Variants in PLD5 observed in about 807,000 individuals in gnomAD.
PLD5 encodes the protein inactive phospholipase D5.
PLD5 carries 36 observed loss-of-function variants against 61.1 expected under a neutral mutation model. The observed-to-expected ratio is 0.59, with a 90% CI of 0.45 to 0.78. PLD5 has a LOEUF of 0.78. Among genes scored for constraint, PLD5 ranks in the 30% least tolerant of loss-of-function variants. The probability of loss-of-function intolerance (pLI) is 0.00; values close to 1 mark genes in which losing one functional copy is unlikely to be tolerated. For synonymous variants in PLD5, 243 were observed against 242.8 expected (o/e 1.00, Z -0.01); for missense variants, 515 against 644.4 (o/e 0.80, Z 2.17).
chr1:242,097,675 A>T (rs181800288), intron 9 of PLD5, among the ~76,000 whole-genome samples: 17,920 of 151,740 alleles, frequency 0.12, 1,545 homozygotes, highest in African/African-American at 0.24. Context: ...GATTGCAAAA[A>T]TTTTCTCCCA....
Position 242,384,294 on chromosome 1 carries a change from G to A in PLD5, c.190-36052C>T, listed in dbSNP as rs373238168. The stretch of plus-strand genomic sequence containing the variant: ...AGGTGAAAGAAACTACAGGTGGCTG[G>A]GAGTTTCCATGTGTTGCTGGCTACA... On this transcript the variant is annotated intron_variant, in intron 1 of 9. Coordinates refer to ENST00000536534, the MANE Select transcript of PLD5 (RefSeq NM_001372062.1). Among the ~76,000 whole-genome samples the A allele has an allele frequency of 3.3e-5, 5 of 152,166 alleles. 1 individual carries two copies. The highest frequency in any genetic ancestry group is 1.2e-4 in the African/African-American group (5 of 41,434).
At chr1:242,187,877 C>CG (rs1366783227) in intron 5 of PLD5, among the ~76,000 whole-genome samples, 11 of 152,062 alleles carry the variant, frequency 7.2e-5, no homozygotes, top group African/African-American at 2.7e-4. Flanking sequence ...TGCTGGTGTA[C>CG]GGGGCCACAA....
At chr1:242,194,899 G>GA (rs1328757805) in intron 5 of PLD5, among the ~76,000 whole-genome samples, 1 of 152,060 alleles carries the variant, frequency 6.6e-6, no homozygotes, top group Non-Finnish European at 1.5e-5. Flanking sequence ...GCGGGTAAGG[G>GA]ATAAGAGACT....
intron 1 of PLD5, among the ~76,000 whole-genome samples, chr1:242,491,073 TG>T (rs1668134195): frequency 1.3e-5 from 2 of 152,240 alleles, no homozygotes; most frequent in Non-Finnish European, 2.9e-5. Flanking sequence ...CAGGCTCAAC[TG>T]ATCTAAATTA....
Position 242,176,486 on chromosome 1 carries a change from G to A in PLD5, c.735+43502C>T, listed in dbSNP as rs181785707. 5.3e-5 allele frequency among the ~76,000 whole-genome samples: 8 copies of A among 152,232 alleles called. No individual in the cohort carries two copies. In the East Asian group the frequency reaches 1.4e-3, roughly 26 times the overall value. ...AAGATGGAAAACCATAAAAATCCTA[G>A]AAGAAAACCTAGGCAATACCATTCA... On this transcript the variant is annotated intron_variant, in intron 5 of 9. Transcript: ENST00000536534.
In PLD5 at chr1:242,449,835, C is replaced by T. The variant is rs559977105; in HGVS notation, c.189+74253G>A. On this transcript the variant is annotated intron_variant, in intron 1 of 9. Transcript: ENST00000536534. ...CAATCAGAGTAAAGGAGAATCCTGCCTAGACAAAGACGAGCGAAGAGGGGC... is the reference window on the plus strand; with the variant it reads ...CAATCAGAGTAAAGGAGAATCCTGCTTAGACAAAGACGAGCGAAGAGGGGC... Among the ~76,000 whole-genome samples, 8 of 152,286 alleles carry T rather than the reference C, an allele frequency of 5.3e-5. No homozygotes were observed. The South Asian group carries it at 1.5e-3, about 28-fold the overall frequency.
chr1:242,404,636 ATT>A (rs775501721), intron 1 of PLD5, among the ~76,000 whole-genome samples: 2 of 146,262 alleles, frequency 1.4e-5, no homozygotes, highest in Non-Finnish European at 1.5e-5. Context: ...CTTTATCCAC[ATT>A]TGTCCTAACC....
rs369660771 is a variant in PLD5 at position 242,468,354 on chromosome 1, G to A, written c.189+55734C>T. 5.5e-4 allele frequency among the ~76,000 whole-genome samples: 84 copies of A among 152,196 alleles called. 2 individuals are homozygous for A. The highest frequency in any genetic ancestry group is 6.8e-3 in the Middle Eastern group (2 of 294). On this transcript the variant is annotated intron_variant, in intron 1 of 9. Coordinates refer to ENST00000536534, the MANE Select transcript of PLD5 (RefSeq NM_001372062.1). The stretch of plus-strand genomic sequence containing the variant: ...GCCTCATAATATGCCAGCCAGATAC[G>A]TAAATTATCCTTATTTTTTTCATTG...
At chr1:242,149,261 G>A (rs1293461912) in intron 5 of PLD5, among the ~76,000 whole-genome samples, 1 of 151,720 alleles carries the variant, frequency 6.6e-6, no homozygotes, top group Non-Finnish European at 1.5e-5. Flanking sequence ...TAATTTTACG[G>A]GTTTGCTTCT....
intron 5 of PLD5, among the ~76,000 whole-genome samples, chr1:242,150,082 T>C (rs918398015): frequency 2.6e-5 from 4 of 151,822 alleles, no homozygotes; most frequent in African/African-American, 9.7e-5. Flanking sequence ...GATTTCCTCT[T>C]CACACAATCA....
intron 1 of PLD5, among the ~76,000 whole-genome samples, chr1:242,492,887 A>C (rs1240671986): frequency 6.6e-6 from 1 of 152,084 alleles, no homozygotes; most frequent in African/African-American, 2.4e-5. Context: ...TATTCATGAG[A>C]GTGCCACCCT....
At chr1:242,489,396 A>C (rs1234889907) in intron 1 of PLD5, among the ~76,000 whole-genome samples, 2 of 152,020 alleles carry the variant, frequency 1.3e-5, no homozygotes, top group East Asian at 3.9e-4. Flanking sequence ...ACAGAGAAAA[A>C]ACAGAGATGC....
chr1:242,453,354 T>C (rs959083580), intron 1 of PLD5, among the ~76,000 whole-genome samples: 2 of 152,334 alleles, frequency 1.3e-5, no homozygotes, highest in African/African-American at 4.8e-5. Context: ...AGCTACCTAG[T>C]TTATGGTCAT....
intron 3 of PLD5, among the ~76,000 whole-genome samples, chr1:242,283,295 A>G (rs1674824911): frequency 6.6e-6 from 1 of 152,198 alleles, no homozygotes; most frequent in Admixed American, 6.5e-5. Context: ...TCACTCTAAC[A>G]AAATTGCTAC....
chr1:242,508,277 G>A (rs1307209489), intron 1 of PLD5, among the ~76,000 whole-genome samples: 1 of 151,986 alleles, frequency 6.6e-6, no homozygotes, highest in African/African-American at 2.4e-5. Flanking sequence ...AGAGGCTGAG[G>A]CAGGAGAATC....
chr1:242,459,306 T>C (rs10159257), intron 1 of PLD5, among the ~76,000 whole-genome samples: 6,240 of 152,242 alleles, frequency 0.041, 423 homozygotes, highest in African/African-American at 0.14. Flanking sequence ...AAAGAACAGA[T>C]TTTTGAGGCC....
chr1:242,362,148 T>G (rs1181317939), intron 1 of PLD5, among the ~76,000 whole-genome samples: 1 of 152,118 alleles, frequency 6.6e-6, no homozygotes, highest in Non-Finnish European at 1.5e-5. Context: ...AAAATCATGG[T>G]CAAGTCTTAA....
At chr1:242,424,328 AT>A in intron 1 of PLD5, among the ~76,000 whole-genome samples, 1 of 152,108 alleles carries the variant, frequency 6.6e-6, no homozygotes, top group South Asian at 2.1e-4. Flanking sequence ...CTCCTCTCAC[AT>A]TTTTTTCTGA....
At chr1:242,521,822 T>C (rs1180645763) in intron 1 of PLD5, among the ~76,000 whole-genome samples, 1 of 152,214 alleles carries the variant, frequency 6.6e-6, no homozygotes, top group Non-Finnish European at 1.5e-5. Flanking sequence ...ATTTTCATGC[T>C]TTCTGTAGCA....
Sources: gnomAD v4.1 joint callset for allele counts (sites outside exome capture counted in the v4.1 genomes callset) on GRCh38, gnomAD v4.1.1 for gene constraint, MANE v1.5 for transcripts, NCBI Gene and HGNC (gene_info 2026-07-23, HGNC 2026-07-21) for gene names.